The following ARHGAP42 variants were observed in gnomAD, a reference collection of about 807,000 sequenced individuals.
ARHGAP42 encodes the protein Rho GTPase activating protein 42, also known as rho GTPase-activating protein 42.
ARHGAP42 carries 63 observed loss-of-function variants against 125.0 expected under a neutral mutation model. The ratio of observed to expected loss-of-function variants is 0.50; its 90% CI spans 0.41 to 0.62. ARHGAP42 has a LOEUF of 0.62. Ranked by LOEUF, ARHGAP42 falls within the 20% of genes least tolerant of loss-of-function variation. The probability of loss-of-function intolerance (pLI) is 0.00; values close to 1 mark genes in which losing one functional copy is unlikely to be tolerated. For synonymous variants in ARHGAP42, 339 were observed against 351.0 expected, an observed-to-expected ratio of 0.97 and a Z score of 0.38; for missense variants, 766 against 1,024.2, an observed-to-expected ratio of 0.75 and a Z score of 3.44.
intron 21 of ARHGAP42, among the ~76,000 whole-genome samples, chr11:100,978,231 A>C (rs1416113569): frequency 6.6e-6 from 1 of 152,176 alleles, no homozygotes; most frequent in Non-Finnish European, 1.5e-5. Flanking sequence ...TGTGTGTTCT[A>C]TATTAGGTGT....
At chr11:100,848,730 T>C (rs1865130809) in intron 3 of ARHGAP42, among the ~76,000 whole-genome samples, 1 of 152,146 alleles carries the variant, frequency 6.6e-6, no homozygotes, top group East Asian at 1.9e-4. Flanking sequence ...GATCTTGAAC[T>C]CCTGGCCTCA....
At chr11:100,916,184 C>G (rs1432236203) in intron 5 of ARHGAP42, among the ~76,000 whole-genome samples, 2 of 152,130 alleles carry the variant, frequency 1.3e-5, no homozygotes, top group Non-Finnish European at 2.9e-5. Flanking sequence ...CAGAAGCAAA[C>G]TTGTCAAGAT....
chr11:100,840,724 T>C (rs186422971), intron 3 of ARHGAP42: 1 of 152,320 alleles, frequency 6.6e-6, no homozygotes, highest in Admixed American at 6.5e-5. Context: ...GTATAATTCA[T>C]GTAATGCTAT....
chr11:100,689,452 T>G (rs947356772), intron 1 of ARHGAP42, among the ~76,000 whole-genome samples: 1 of 152,178 alleles, frequency 6.6e-6, no homozygotes, highest in Non-Finnish European at 1.5e-5. Context: ...TGAGATAAAC[T>G]TTAGTGTTTC....
chr11:100,779,563 TATATATACGTATATATAC>T (rs1446330170), intron 2 of ARHGAP42, among the ~76,000 whole-genome samples: 2 of 96,884 alleles, frequency 2.1e-5, no homozygotes, highest in South Asian at 2.8e-4. Flanking sequence ...TATACATACG[TATATATACGTATATATAC>T]ATATATACGT....
At chr11:100,743,117 GTTAC>G (rs1251335566) in intron 1 of ARHGAP42, among the ~76,000 whole-genome samples, 2 of 152,054 alleles carry the variant, frequency 1.3e-5, no homozygotes, top group East Asian at 1.9e-4. Flanking sequence ...CATGTTAAGT[GTTAC>G]TTACTTTGTT....
At chr11:100,807,908 G>C (rs1425702618) in intron 3 of ARHGAP42, among the ~76,000 whole-genome samples, 1 of 152,202 alleles carries the variant, frequency 6.6e-6, no homozygotes, top group Non-Finnish European at 1.5e-5. Context: ...GGAAGTGCTA[G>C]TCTTTATTCC....
chr11:100,982,478 G>A (rs550069146), intron 22 of ARHGAP42, among the ~76,000 whole-genome samples: 15 of 152,240 alleles, frequency 9.9e-5, no homozygotes, highest in Non-Finnish European at 1.8e-4. Flanking sequence ...CATAGTGCCC[G>A]GCACAGCCCT....
At chr11:100,980,183 T>C (rs1858495230) in intron 22 of ARHGAP42, among the ~76,000 whole-genome samples, 2 of 152,180 alleles carry the variant, frequency 1.3e-5, no homozygotes, top group Admixed American at 1.3e-4. Flanking sequence ...GCCAAGAGCA[T>C]GTGAACCTTA....
intron 4 of ARHGAP42, among the ~76,000 whole-genome samples, chr11:100,866,665 G>C (rs1865576694): frequency 6.6e-6 from 1 of 152,046 alleles, no homozygotes; most frequent in South Asian, 2.1e-4. Flanking sequence ...AAGGGGAAGT[G>C]CTGCACACTT....
rs555873448 is a variant in ARHGAP42 at position 100,765,566 on chromosome 11, G to C, written c.155-4777G>C. ...TAATTTATATTAAATGCTTACAGAA[G>C]TATCAGGTAGTAGGTATTGTTGTTA... is the stretch of plus-strand genomic sequence containing the variant. On this transcript the variant is annotated intron_variant, in intron 1 of 23. Transcript: ENST00000298815. Among the ~76,000 whole-genome samples, 28 of 152,322 alleles carry C rather than the reference G, an allele frequency of 1.8e-4. No homozygotes were observed. The South Asian group carries it at 5.8e-3, about 32-fold the overall frequency.
intron 3 of ARHGAP42, among the ~76,000 whole-genome samples, chr11:100,798,566 A>C (rs1863776597): frequency 6.6e-6 from 1 of 152,232 alleles, no homozygotes; most frequent in Non-Finnish European, 1.5e-5. Context: ...TAGACAAAAC[A>C]CTATTGCACA....
intron 1 of ARHGAP42, among the ~76,000 whole-genome samples, chr11:100,721,745 A>AT (rs1861762576): frequency 6.6e-6 from 1 of 152,146 alleles, no homozygotes; most frequent in Non-Finnish European, 1.5e-5. Flanking sequence ...AAGTGCTGGA[A>AT]TTACAGGCAT....
intron 1 of ARHGAP42, among the ~76,000 whole-genome samples, chr11:100,698,691 G>A (rs1175829032): frequency 6.6e-6 from 1 of 151,970 alleles, no homozygotes; most frequent in East Asian, 1.9e-4. Context: ...TAAAAAAAAG[G>A]GTCATTTTTA....
chr11:100,923,320 C>T (rs1867331365), intron 6 of ARHGAP42, among the ~76,000 whole-genome samples: 1 of 152,194 alleles, frequency 6.6e-6, no homozygotes, highest in Non-Finnish European at 1.5e-5. Flanking sequence ...GACAGTTTTT[C>T]TGCATATTCC....
In ARHGAP42 at chr11:100,892,285, T is replaced by G. The variant is rs1160282758; in HGVS notation, c.385-21167T>G. On this transcript the variant is annotated intron_variant, in intron 4 of 23. Coordinates refer to ENST00000298815, the MANE Select transcript of ARHGAP42 (RefSeq NM_152432.4). Reference sequence around the variant, plus strand: ...CAGGTGGGTGTTAATTAAAATAGTTTAGCTATTTTAAAGCCCTAAATTATT... The same window carrying G: ...CAGGTGGGTGTTAATTAAAATAGTTGAGCTATTTTAAAGCCCTAAATTATT... Among the ~76,000 whole-genome samples, 3 of 152,340 alleles carry G rather than the reference T, an allele frequency of 2.0e-5. 1 individual carries two copies. The South Asian group carries it at 6.2e-4, about 32-fold the overall frequency.
rs1287590894 is a variant in ARHGAP42, at chr11:100,921,624, A to G, written c.597+20A>G. 7.7e-6 allele frequency: 11 copies of G among 1,430,470 alleles called. No homozygotes were observed. The highest frequency in any genetic ancestry group is 1.0e-5 in the Non-Finnish European group (11 of 1,048,518). 88.6% of individuals were successfully genotyped at this position (1,430,470 alleles called of 1,614,324 possible). A position where few individuals can be genotyped will look rare whatever the true frequency, so the allele number is the denominator to read the frequency against. On this transcript the variant is annotated intron_variant, in intron 6 of 23. Coordinates refer to ENST00000298815, the MANE Select transcript of ARHGAP42 (RefSeq NM_152432.4). ...GAACCGGTAAGTTTCAGATTTTTGT[A>G]TAAATGGTGGGCTCAAAACAATCTA...
chr11:100,757,087 C>T (rs989134801), intron 1 of ARHGAP42, among the ~76,000 whole-genome samples: 11 of 151,742 alleles, frequency 7.2e-5, no homozygotes, highest in East Asian at 3.9e-4. Context: ...AAAATAGTTA[C>T]GTGGTGAGAA....
At chr11:100,947,833 C>T (rs896621942) in intron 10 of ARHGAP42, among the ~76,000 whole-genome samples, 1 of 151,730 alleles carries the variant, frequency 6.6e-6, no homozygotes, top group Non-Finnish European at 1.5e-5. Flanking sequence ...ATATCTTTTC[C>T]TCCATATGCT....
Sources: allele counts gnomAD v4.1 joint callset (sites outside exome capture counted in the v4.1 genomes callset), GRCh38; gene constraint gnomAD v4.1.1; transcripts MANE v1.5; gene names NCBI Gene and HGNC (gene_info 2026-07-23, HGNC 2026-07-21).